Variants in SEMA3C observed in about 807,000 individuals in gnomAD.
SEMA3C encodes the protein semaphorin 3C, also known as semaphorin-3C.
In SEMA3C, 47 loss-of-function variants were observed where a neutral mutation model predicts 89.4. The observed-to-expected ratio is 0.53, with a 90% CI of 0.42 to 0.67. SEMA3C has a LOEUF of 0.67. Among genes scored for constraint, SEMA3C ranks in the 30% least tolerant of loss-of-function variants. The pLI is 0.00. For missense variants in SEMA3C, 839 were observed against 929.1 expected (o/e 0.90, Z 1.26); for synonymous variants, 310 against 320.2 (o/e 0.97, Z 0.34).
chr7:80,808,738 C>A (rs1458800413), intron 6 of SEMA3C, among the ~76,000 whole-genome samples: 1 of 152,094 alleles, frequency 6.6e-6, no homozygotes. Context: ...GTCTACTATA[C>A]GTATGACATA....
At chr7:80,767,253 T>C (rs1449153310) in intron 12 of SEMA3C, among the ~76,000 whole-genome samples, 6 of 152,200 alleles carry the variant, frequency 3.9e-5, no homozygotes, top group African/African-American at 1.4e-4. Flanking sequence ...CAGTAACAAG[T>C]TGGCAATATG....
intron 4 of SEMA3C, 63 bp downstream of exon 4, chr7:80,827,362 T>C (rs1789894430): frequency 3.5e-6 from 5 of 1,447,656 alleles, no homozygotes; most frequent in Middle Eastern, 2.3e-4. Context: ...TCAAAGTACA[T>C]GGATTCGAAA....
chr7:80,882,052 A>G (rs1400086025), intron 2 of SEMA3C, among the ~76,000 whole-genome samples: 1 of 152,228 alleles, frequency 6.6e-6, no homozygotes, highest in Non-Finnish European at 1.5e-5. Flanking sequence ...TTGCGCACAC[A>G]AGAAGTGCCC....
chr7:80,805,867 T>C (rs975450232), intron 6 of SEMA3C, 109 bp from the exon 7 acceptor site: 12 of 634,594 alleles, frequency 1.9e-5, no homozygotes, highest in Non-Finnish European at 3.0e-5. Context: ...GTTATGATAA[T>C]TGGTTATAAC....
At chr7:80,791,035 G>C (rs913422176) in intron 11 of SEMA3C, among the ~76,000 whole-genome samples, 1 of 152,100 alleles carries the variant, frequency 6.6e-6, no homozygotes, top group East Asian at 1.9e-4. Context: ...TGCCGGGTCT[G>C]TATGAAACAG....
chr7:80,794,736 T>C (rs1339250736), intron 11 of SEMA3C, among the ~76,000 whole-genome samples: 1 of 152,236 alleles, frequency 6.6e-6, no homozygotes, highest in African/African-American at 2.4e-5. Context: ...AGAAGCTTTA[T>C]ACATGTTGCA....
At chr7:80,891,365 C>G (rs1791608774) in intron 2 of SEMA3C, among the ~76,000 whole-genome samples, 1 of 152,106 alleles carries the variant, frequency 6.6e-6, no homozygotes, top group Admixed American at 6.5e-5. Flanking sequence ...CTTATCCCTC[C>G]CTCCCCCATA....
intron 2 of SEMA3C, among the ~76,000 whole-genome samples, chr7:80,873,221 G>A (rs1791113464): frequency 6.6e-6 from 1 of 151,158 alleles, no homozygotes; most frequent in African/African-American, 2.4e-5. Flanking sequence ...CCACTGTGGT[G>A]AGACTGTGGT....
chr7:80,849,450 ATT>A lies in SEMA3C; in HGVS notation c.104-20707_104-20706del, dbSNP rs1484580022. ...TGATCAACTATAAGTTTCTTTTATC[ATT>A]ATCTCTATTTCATGCATACAAATGT... On this transcript the variant is annotated intron_variant, in intron 2 of 17. Transcript: ENST00000265361. Among the ~76,000 whole-genome samples the A allele has an allele frequency of 2.1e-3, 319 of 152,198 alleles. 3 individuals carry two copies. The East Asian group carries it at 0.023, about 11-fold the overall frequency.
chr7:80,850,795 A>G (rs1335573569), intron 2 of SEMA3C, among the ~76,000 whole-genome samples: 1 of 152,214 alleles, frequency 6.6e-6, no homozygotes, highest in Non-Finnish European at 1.5e-5. Context: ...AGAGTATTAA[A>G]TCGATGCATG....
intron 11 of SEMA3C, among the ~76,000 whole-genome samples, chr7:80,796,203 G>T (rs1789060403): frequency 6.6e-6 from 1 of 152,074 alleles, no homozygotes; most frequent in African/African-American, 2.4e-5. Context: ...CTATGACTAG[G>T]TCAATTTCAA....
chr7:80,848,813 A>C (rs1264909238), intron 2 of SEMA3C, among the ~76,000 whole-genome samples: 3 of 152,158 alleles, frequency 2.0e-5, no homozygotes, highest in Non-Finnish European at 4.4e-5. Flanking sequence ...TATTTTATAG[A>C]AGCTAGTCTT....
chr7:80,768,795 T>C (rs574422953), intron 12 of SEMA3C, among the ~76,000 whole-genome samples: 2 of 152,256 alleles, frequency 1.3e-5, no homozygotes, highest in Admixed American at 1.3e-4. Flanking sequence ...TTTGTGTGTG[T>C]GTGTGTGTGT....
chr7:80,859,684 C>T (rs1440065305), intron 2 of SEMA3C, among the ~76,000 whole-genome samples: 2 of 152,124 alleles, frequency 1.3e-5, no homozygotes, highest in Admixed American at 1.3e-4. Flanking sequence ...AACTTAGCAC[C>T]CTCCTGTTGC....
chr7:80,905,252 T>C (rs529193999), intron 2 of SEMA3C, among the ~76,000 whole-genome samples: 6 of 32,722 alleles, frequency 1.8e-4, no homozygotes, highest in Non-Finnish European at 2.5e-4. Flanking sequence ...GAGGGAGAGA[T>C]AGGGAGAGAG....
chr7:80,776,298 T>C (rs3807102), intron 12 of SEMA3C, among the ~76,000 whole-genome samples: 1 of 147,866 alleles, frequency 6.8e-6, no homozygotes. Flanking sequence ...AGAAAGAAAA[T>C]AAAATATACC....
chr7:80,812,631 C>T (rs922653978), intron 5 of SEMA3C, among the ~76,000 whole-genome samples: 4 of 152,144 alleles, frequency 2.6e-5, no homozygotes, highest in African/African-American at 9.7e-5. Context: ...AGATCTAGAT[C>T]ACCCCCACCA....
intron 2 of SEMA3C, among the ~76,000 whole-genome samples, chr7:80,879,273 A>G (rs1791278380): frequency 1.3e-5 from 2 of 152,236 alleles, no homozygotes; most frequent in African/African-American, 4.8e-5. Flanking sequence ...GGAAATGGGC[A>G]TCTGAGCAGG....
At chr7:80,822,379 A>C (rs1337612379) in intron 4 of SEMA3C, among the ~76,000 whole-genome samples, 1 of 55,288 alleles carries the variant, frequency 1.8e-5, no homozygotes. Flanking sequence ...ACATTTCAGC[A>C]AAAAAAAATA....
Sources: gnomAD v4.1 joint callset for allele counts (sites outside exome capture counted in the v4.1 genomes callset) on GRCh38, gnomAD v4.1.1 for gene constraint, MANE v1.5 for transcripts, NCBI Gene and HGNC (gene_info 2026-07-23, HGNC 2026-07-21) for gene names.